The following FOXN3 variants were observed in gnomAD, a reference collection of about 807,000 sequenced individuals.
The protein encoded by FOXN3 is forkhead box N3, also known as forkhead box protein N3.
In FOXN3, 7 loss-of-function variants were observed where a neutral mutation model predicts 38.4. The observed-to-expected ratio is 0.18, with a 90% confidence interval of 0.10 to 0.34. FOXN3 has a LOEUF of 0.34. FOXN3 is among the 10% of genes least tolerant of loss of function. The pLI is 1.00. For missense variants in FOXN3, 456 were observed against 613.4 expected, an observed-to-expected ratio of 0.74 and a Z score of 2.71; for synonymous variants, 230 against 242.2, an observed-to-expected ratio of 0.95 and a Z score of 0.47.
At chr14:89,362,746 T>TCCA (rs71130063) in intron 2 of FOXN3, among the ~76,000 whole-genome samples, 78 of 1,564 alleles carry the variant, frequency 0.05, 18 homozygotes, top group Admixed American at 0.073. Context: ...CACCACCATC[T>TCCA]CCACCACCAC....
intron 1 of FOXN3, among the ~76,000 whole-genome samples, chr14:89,572,455 G>A (rs1332974899): frequency 1.3e-5 from 2 of 152,218 alleles, no homozygotes; most frequent in African/African-American, 4.8e-5. Flanking sequence ...ATTCTGACCA[G>A]TTTCAGGGCA....
intron 1 of FOXN3, among the ~76,000 whole-genome samples, chr14:89,448,716 G>A (rs1892558418): frequency 6.6e-6 from 1 of 151,922 alleles, no homozygotes; most frequent in Non-Finnish European, 1.5e-5. Flanking sequence ...AGGCAGGAGG[G>A]TGGCTTGAGC....
upstream of FOXN3, among the ~76,000 whole-genome samples, chr14:89,420,634 TAG>T (rs1410044836): frequency 1.3e-5 from 2 of 152,168 alleles, no homozygotes; most frequent in Non-Finnish European, 2.9e-5. Flanking sequence ...TTGATTGTAG[TAG>T]AAGAGGAACT....
chr14:89,230,787 G>T, intron 4 of FOXN3: 1 of 440,220 alleles, frequency 2.3e-6, no homozygotes, highest in South Asian at 1.6e-5. Flanking sequence ...GGATAGTAGA[G>T]GTCACATCTG....
At chr14:89,345,665 C>T (rs982213123) in intron 3 of FOXN3, among the ~76,000 whole-genome samples, 1 of 152,108 alleles carries the variant, frequency 6.6e-6, no homozygotes, top group African/African-American at 2.4e-5. Flanking sequence ...TCCATTATAT[C>T]ATTCTCATGC....
At chr14:89,426,675 T>C (rs1892037944) in intron 1 of FOXN3, among the ~76,000 whole-genome samples, 1 of 152,192 alleles carries the variant, frequency 6.6e-6, no homozygotes, top group Non-Finnish European at 1.5e-5. Context: ...TCCGAAAATA[T>C]TCACTCATTT....
chr14:89,482,297 G>A (rs538113461), intron 1 of FOXN3, among the ~76,000 whole-genome samples: 12 of 152,286 alleles, frequency 7.9e-5, no homozygotes, highest in African/African-American at 2.4e-4. Flanking sequence ...CCTGACCAAT[G>A]GCCTGTCACC....
rs184164521 is a variant in FOXN3, at chr14:89,314,211, A to C, written c.681-33197T>G. ...AGGGATACTTTTATTCAGTTCTTTA[A>C]ACTGTTTTATTGTTTGACCATTCTA... On this transcript the variant is annotated intron_variant, in intron 3 of 5. Transcript: ENST00000557258. Among the ~76,000 whole-genome samples, 9 of 152,324 alleles carry C rather than the reference A, an allele frequency of 5.9e-5. No individual in the cohort carries two copies. The East Asian group carries it at 1.7e-3, about 29-fold the overall frequency.
intron 2 of FOXN3, 127 bp from the exon 3 acceptor site, chr14:89,350,935 C>T (rs1888942711): frequency 3.1e-6 from 2 of 645,586 alleles, no homozygotes. Context: ...GTTTGCCAGC[C>T]TTAAATATTA....
intron 3 of FOXN3, among the ~76,000 whole-genome samples, chr14:89,333,988 A>ATC (rs1888351588): frequency 6.0e-5 from 5 of 83,766 alleles, no homozygotes; most frequent in African/African-American, 1.8e-4. Flanking sequence ...ATATATATAT[A>ATC]TATATATATA....
intron 3 of FOXN3, among the ~76,000 whole-genome samples, chr14:89,288,291 T>A (rs1408978791): frequency 6.6e-6 from 1 of 151,992 alleles, no homozygotes; most frequent in Non-Finnish European, 1.5e-5. Flanking sequence ...AATGCACCAA[T>A]CAAGATAAGA....
At chr14:89,433,799 G>A (rs1282597222) in intron 1 of FOXN3, among the ~76,000 whole-genome samples, 12 of 145,812 alleles carry the variant, frequency 8.2e-5, no homozygotes, top group African/African-American at 2.3e-4. Context: ...GTGAAAGAGC[G>A]AAACTCTGTC....
intron 2 of FOXN3, among the ~76,000 whole-genome samples, chr14:89,389,583 C>T (rs1247453324): frequency 3.3e-5 from 5 of 152,170 alleles, no homozygotes; most frequent in African/African-American, 1.2e-4. Context: ...GGGCAAAGCA[C>T]ATAAACAATT....
intron 3 of FOXN3, among the ~76,000 whole-genome samples, chr14:89,341,401 G>A (rs925116086): frequency 4.6e-5 from 7 of 152,186 alleles, no homozygotes; most frequent in African/African-American, 1.7e-4. Flanking sequence ...CACATTCCCT[G>A]TTCTTCAACA....
At chr14:89,290,768 T>C (rs1886844988) in intron 3 of FOXN3, 1 of 293,114 alleles carries the variant, frequency 3.4e-6, no homozygotes. Context: ...ATAGGCCTTC[T>C]GGTCATCAGT....
At position 89,511,186 on chromosome 14, in the gene FOXN3, TTTCTTTTC is replaced by T. The variant is rs1367620596; in HGVS notation, c.-14-98704_-14-98697del. ...CTTTCTTTCTTTCTTTCTTTCTTTC[TTTCTTTTC>T]TTTCTTTCTTTTCTTTCTTTCTTTC... On this transcript the variant is annotated intron_variant, in intron 1 of 6. Coordinates refer to the FOXN3 transcript ENST00000345097. Among the ~76,000 whole-genome samples the T allele has an allele frequency of 3.1e-3, 61 of 19,800 alleles. 17 individuals are homozygous for T. In the South Asian group the frequency reaches 0.037, roughly 12 times the overall value. The allele number at this position is 19,800 out of a possible 152,430, so 13.0% of individuals were successfully genotyped here. A position where few individuals can be genotyped will look rare whatever the true frequency, so the allele number is the denominator to read the frequency against.
intron 3 of FOXN3, among the ~76,000 whole-genome samples, chr14:89,335,077 T>TCACACACACACA (rs72014136): frequency 3.1e-4 from 43 of 139,440 alleles, no homozygotes; most frequent in Non-Finnish European, 3.8e-4. Flanking sequence ...TATTTTCATA[T>TCACACACACACA]CACACACACA....
intron 2 of FOXN3, among the ~76,000 whole-genome samples, chr14:89,352,459 G>A (rs1386660021): frequency 6.6e-6 from 1 of 152,076 alleles, no homozygotes; most frequent in Non-Finnish European, 1.5e-5. Context: ...CAGGAGACAG[G>A]TAACTACCAA....
At chr14:89,203,600 CAG>C (rs1888290957) in intron 4 of FOXN3, among the ~76,000 whole-genome samples, 1 of 152,140 alleles carries the variant, frequency 6.6e-6, no homozygotes, top group East Asian at 1.9e-4. Flanking sequence ...GCTGAGCGGG[CAG>C]AGTGTTTAAG....
Sources: gnomAD v4.1 joint callset for allele counts (sites outside exome capture counted in the v4.1 genomes callset) on GRCh38, gnomAD v4.1.1 for gene constraint, MANE v1.5 for transcripts, NCBI Gene and HGNC (gene_info 2026-07-23, HGNC 2026-07-21) for gene names.